Variants in PRKCI observed in about 807,000 individuals in gnomAD.
PRKCI encodes the protein protein kinase C iota.
A neutral mutation model predicts 84.0 loss-of-function variants in PRKCI; 43 were observed. The observed-to-expected ratio is 0.51, with a 90% CI of 0.40 to 0.66. The LOEUF (loss-of-function observed/expected upper bound fraction) is 0.66. Among genes scored for constraint, PRKCI ranks in the 30% least tolerant of loss-of-function variants. The pLI, the probability that PRKCI is intolerant of heterozygous loss-of-function variation, is 0.00. For synonymous variants in PRKCI, 216 were observed against 234.4 expected (o/e 0.92, Z 0.72); for missense variants, 459 against 745.6 (o/e 0.62, Z 4.48).
chr3:170,245,494 G>A (rs530489261), intron 2 of PRKCI, among the ~76,000 whole-genome samples: 2 of 152,214 alleles, frequency 1.3e-5, no homozygotes, highest in East Asian at 3.9e-4. Flanking sequence ...GAGGCTATGG[G>A]GGTCTTGAGG....
intron 2 of PRKCI, among the ~76,000 whole-genome samples, chr3:170,236,107 A>ATTTT (rs11407334): frequency 2.7e-5 from 4 of 145,866 alleles, no homozygotes; most frequent in East Asian, 2.0e-4. Flanking sequence ...TTTAATTTAA[A>ATTTT]TTTTTTTTTT....
chr3:170,258,355 G>A (rs1204611512), intron 2 of PRKCI, among the ~76,000 whole-genome samples: 1 of 151,666 alleles, frequency 6.6e-6, no homozygotes, highest in African/African-American at 2.4e-5. Context: ...GCCCAGGGTG[G>A]AGTTCAGTAG....
At chr3:170,268,416 G>T (rs1270787388) in intron 5 of PRKCI, among the ~76,000 whole-genome samples, 3 of 150,360 alleles carry the variant, frequency 2.0e-5, no homozygotes, top group Non-Finnish European at 4.4e-5. Flanking sequence ...GGAGGCAGAG[G>T]TTGCAGTGAG....
intron 12 of PRKCI, among the ~76,000 whole-genome samples, chr3:170,289,433 A>G (rs1734481289): frequency 6.6e-6 from 1 of 152,148 alleles, no homozygotes; most frequent in Non-Finnish European, 1.5e-5. Flanking sequence ...AGGGCCACAT[A>G]ATAGTGGTTG....
At chr3:170,227,825 G>A (rs1306650374) in intron 1 of PRKCI, among the ~76,000 whole-genome samples, 1 of 152,040 alleles carries the variant, frequency 6.6e-6, no homozygotes, top group Non-Finnish European at 1.5e-5. Context: ...GATAACACTT[G>A]AAATTAGTAT....
At chr3:170,227,613 A>G (rs1428624102) in intron 1 of PRKCI, among the ~76,000 whole-genome samples, 1 of 152,206 alleles carries the variant, frequency 6.6e-6, no homozygotes, top group Non-Finnish European at 1.5e-5. Context: ...CAGAATTAAG[A>G]TCACTTTGGC....
intron 2 of PRKCI, among the ~76,000 whole-genome samples, chr3:170,239,078 T>C (rs533030155): frequency 4.6e-4 from 70 of 152,348 alleles, no homozygotes; most frequent in African/African-American, 1.4e-3. Flanking sequence ...AATATAATTT[T>C]TGTCCATTAA....
chr3:170,240,005 T>C (rs899538611), intron 2 of PRKCI, among the ~76,000 whole-genome samples: 2 of 152,120 alleles, frequency 1.3e-5, no homozygotes, highest in African/African-American at 4.8e-5. Context: ...AAAAAATTTT[T>C]TTTTTAGTTA....
intron 4 of PRKCI, among the ~76,000 whole-genome samples, chr3:170,267,332 A>T (rs1304660157): frequency 6.6e-6 from 1 of 152,064 alleles, no homozygotes; most frequent in African/African-American, 2.4e-5. Flanking sequence ...TTTCTGTGGG[A>T]TTAAAAGATG....
At chr3:170,290,436 A>G (rs1042331242) in intron 12 of PRKCI, among the ~76,000 whole-genome samples, 3 of 152,128 alleles carry the variant, frequency 2.0e-5, no homozygotes, top group Middle Eastern at 3.4e-3. Context: ...TAATCTTTAC[A>G]TGCAGGGAGT....
intron 2 of PRKCI, among the ~76,000 whole-genome samples, chr3:170,252,870 A>G (rs1415048767): frequency 6.6e-6 from 1 of 152,098 alleles, no homozygotes; most frequent in African/African-American, 2.4e-5. Context: ...CCCACTCTCC[A>G]CCACTATCGT....
chr3:170,263,811 A>G (rs1428296791), intron 4 of PRKCI, among the ~76,000 whole-genome samples: 1 of 152,122 alleles, frequency 6.6e-6, no homozygotes, highest in Non-Finnish European at 1.5e-5. Context: ...GGGAAAAAAA[A>G]AAAGGAAATA....
In PRKCI at chr3:170,301,919, C is replaced by G. The variant is rs1314255910; in HGVS notation, c.1704-1121C>G. 2.0e-5 allele frequency among the ~76,000 whole-genome samples: 3 copies of G among 152,188 alleles called. No individual in the cohort carries two copies. The East Asian group carries it at 5.8e-4, about 29-fold the overall frequency. On this transcript the variant is annotated intron_variant, in intron 17 of 17. Transcript: ENST00000295797. ...AAGGCCTCCCCACATCTGCTCCAGC[C>G]TGACTTTCTAGCGATACCTCTCACC...
At chr3:170,266,325 A>G (rs1440492330) in intron 4 of PRKCI, among the ~76,000 whole-genome samples, 3 of 152,184 alleles carry the variant, frequency 2.0e-5, no homozygotes, top group Admixed American at 6.5e-5. Context: ...GTACCTTTAC[A>G]ATGAAGAGAT....
chr3:170,302,081 C>T (rs1396429536), intron 17 of PRKCI, among the ~76,000 whole-genome samples: 1 of 152,188 alleles, frequency 6.6e-6, no homozygotes, highest in Non-Finnish European at 1.5e-5. Context: ...CTTTCAGAGC[C>T]ACCTCAGATG....
At chr3:170,258,329 A>G (rs1733638960) in intron 2 of PRKCI, among the ~76,000 whole-genome samples, 1 of 150,718 alleles carries the variant, frequency 6.6e-6, no homozygotes, top group African/African-American at 2.4e-5. Flanking sequence ...TTTTTTTGAG[A>G]CAGTCTTGCT....
At chr3:170,223,330 G>A (rs911580164) in intron 1 of PRKCI, among the ~76,000 whole-genome samples, 7 of 152,228 alleles carry the variant, frequency 4.6e-5, no homozygotes, top group African/African-American at 1.7e-4. Flanking sequence ...TCAAGTCGAT[G>A]CGTTTTCAGG....
intron 8 of PRKCI, among the ~76,000 whole-genome samples, chr3:170,277,815 C>CAA (rs746888934): frequency 1.3e-5 from 2 of 151,832 alleles, no homozygotes; most frequent in Non-Finnish European, 2.9e-5. Context: ...TTATTATTAT[C>CAA]AGAGTTTAAA....
At chr3:170,228,558 G>C (rs1361586804) in intron 1 of PRKCI, among the ~76,000 whole-genome samples, 2 of 151,754 alleles carry the variant, frequency 1.3e-5, no homozygotes, top group East Asian at 1.9e-4. Context: ...CTGGGCAACA[G>C]AGTGAGACCC....
Sources: allele counts gnomAD v4.1 joint callset (sites outside exome capture counted in the v4.1 genomes callset), GRCh38; gene constraint gnomAD v4.1.1; transcripts MANE v1.5; gene names NCBI Gene and HGNC (gene_info 2026-07-23, HGNC 2026-07-21).